CNTN1: variants seen among roughly 807,000 people sequenced by gnomAD.
CNTN1 encodes contactin-1.
A neutral mutation model predicts 126.4 loss-of-function variants in CNTN1; 38 were observed. The observed-to-expected ratio is 0.30, with a 90% confidence interval of 0.23 to 0.39. The LOEUF (loss-of-function observed/expected upper bound fraction) is 0.39, where lower values mean the gene tolerates loss of function less well. Ranked by LOEUF, CNTN1 falls within the 10% of genes least tolerant of loss-of-function variation. CNTN1 has a pLI of 1.00. For synonymous variants in CNTN1, 413 were observed against 422.6 expected (o/e 0.98, Z 0.28); for missense variants, 1,009 against 1,248.4 (o/e 0.81, Z 2.89).
At chr12:40,895,183 C>A (rs1944367491) in intron 1 of CNTN1, among the ~76,000 whole-genome samples, 1 of 152,022 alleles carries the variant, frequency 6.6e-6, no homozygotes, top group African/African-American at 2.4e-5. Flanking sequence ...TGCAAAGGTG[C>A]TTTCATATAT....
At chr12:40,757,357 A>G (rs1026559538) in intron 1 of CNTN1, among the ~76,000 whole-genome samples, 1 of 151,760 alleles carries the variant, frequency 6.6e-6, no homozygotes, top group Non-Finnish European at 1.5e-5. Flanking sequence ...TTCTTTCAGA[A>G]TCCAAATATA....
chr12:40,865,206 A>C (rs1467036154), intron 1 of CNTN1, among the ~76,000 whole-genome samples: 1 of 152,080 alleles, frequency 6.6e-6, no homozygotes, highest in African/African-American at 2.4e-5. Flanking sequence ...TGTCTTTTTA[A>C]GTATTGAGTT....
At chr12:40,972,188 G>A in intron 15 of CNTN1, 2 of 985,322 alleles carry the variant, frequency 2.0e-6, no homozygotes, top group African/African-American at 3.5e-5. Flanking sequence ...GCCATTAACA[G>A]CATGCATTCA....
intron 1 of CNTN1, among the ~76,000 whole-genome samples, chr12:40,723,593 C>T (rs928830324): frequency 3.9e-5 from 6 of 152,098 alleles, no homozygotes; most frequent in African/African-American, 1.4e-4. Context: ...ATGTGTTATT[C>T]ATGGACTTAG....
chr12:41,055,134 A>AAGGGAAT (rs1223579144), intron 23 of CNTN1, among the ~76,000 whole-genome samples: 2 of 152,112 alleles, frequency 1.3e-5, no homozygotes, highest in Admixed American at 1.3e-4. Flanking sequence ...TTGAAGTTTT[A>AAGGGAAT]AGGGAATTAT....
chr12:40,918,808 C>A, intron 4 of CNTN1, 37 bp downstream of exon 4: 1 of 1,610,562 alleles, frequency 6.2e-7, no homozygotes, highest in South Asian at 1.1e-5. Flanking sequence ...AGTGGAGTGT[C>A]AGAGTAATGA....
chr12:40,821,649 A>G (rs1941444362), intron 1 of CNTN1, among the ~76,000 whole-genome samples: 1 of 152,168 alleles, frequency 6.6e-6, no homozygotes, highest in South Asian at 2.1e-4. Context: ...ATGGAACCAG[A>G]AATCCTTTAA....
In CNTN1 at chr12:40,904,050, G is replaced by C. The variant is rs183887581; in HGVS notation, c.-76-4307G>C. ...TCTCTTCTTTTTGAGATGGAGTCTC[G>C]CTCTGTCGCCTAGGCTGGAGTGCAG... On this transcript the variant is annotated intron_variant, in intron 1 of 23. Coordinates refer to ENST00000551295, the MANE Select transcript of CNTN1 (RefSeq NM_001843.4). 4.9e-4 allele frequency among the ~76,000 whole-genome samples: 75 copies of C among 151,998 alleles called. 1 individual carries two copies. In the East Asian group the frequency reaches 0.011, roughly 23 times the overall value.
chr12:40,933,318 C>CT (rs1346019328), intron 7 of CNTN1, 143 bp from the exon 8 acceptor site: 2 of 670,916 alleles, frequency 3.0e-6, no homozygotes, highest in African/African-American at 3.6e-5. Flanking sequence ...ACAAACAAGT[C>CT]TATCCATTAT....
At chr12:40,884,322 T>G (rs1315407185) in intron 1 of CNTN1, among the ~76,000 whole-genome samples, 1 of 151,576 alleles carries the variant, frequency 6.6e-6, no homozygotes, top group Non-Finnish European at 1.5e-5. Flanking sequence ...CCCTGCATTT[T>G]CATATAATCC....
chr12:40,746,650 C>G (rs1938197047), intron 1 of CNTN1, among the ~76,000 whole-genome samples: 1 of 151,962 alleles, frequency 6.6e-6, no homozygotes, highest in Admixed American at 6.6e-5. Context: ...TTGATTTTTC[C>G]CTTGGGGTGG....
intron 1 of CNTN1, among the ~76,000 whole-genome samples, chr12:40,821,828 G>A (rs1941448873): frequency 6.6e-6 from 1 of 151,688 alleles, no homozygotes; most frequent in Non-Finnish European, 1.5e-5. Context: ...TTTTCTCCTG[G>A]TTACCATCTT....
intron 23 of CNTN1, among the ~76,000 whole-genome samples, chr12:41,046,846 T>C (rs939690072): frequency 2.8e-5 from 4 of 145,220 alleles, no homozygotes; most frequent in African/African-American, 1.1e-4. Flanking sequence ...ATTGCTTATT[T>C]CTTTTTTTTT....
At chr12:40,694,406 C>T (rs1941393986) in intron 1 of CNTN1, among the ~76,000 whole-genome samples, 1 of 152,188 alleles carries the variant, frequency 6.6e-6, no homozygotes, top group Non-Finnish European at 1.5e-5. Flanking sequence ...TCCATTTTCA[C>T]AGATGAAGAA....
intron 1 of CNTN1, among the ~76,000 whole-genome samples, chr12:40,798,849 G>A (rs1207005688): frequency 1.3e-5 from 2 of 151,816 alleles, no homozygotes; most frequent in Non-Finnish European, 2.9e-5. Flanking sequence ...CCATGACATA[G>A]GTTTACCTAT....
chr12:40,751,182 C>A (rs1342683835), intron 1 of CNTN1, among the ~76,000 whole-genome samples: 1 of 152,030 alleles, frequency 6.6e-6, no homozygotes, highest in Non-Finnish European at 1.5e-5. Context: ...GATTATCTAA[C>A]TGGGAATTAT....
intron 1 of CNTN1, among the ~76,000 whole-genome samples, chr12:40,802,141 T>C (rs955915786): frequency 6.6e-6 from 1 of 151,954 alleles, no homozygotes; most frequent in Non-Finnish European, 1.5e-5. Flanking sequence ...CAGAATGAAA[T>C]AACCAAGTAG....
chr12:41,045,621 C>A (rs1949524810), intron 23 of CNTN1, among the ~76,000 whole-genome samples: 1 of 152,122 alleles, frequency 6.6e-6, no homozygotes, highest in South Asian at 2.1e-4. Flanking sequence ...CATTAGGGAC[C>A]AGCTTTAGTG....
chr12:40,885,706 T>C (rs1392685119), intron 1 of CNTN1, among the ~76,000 whole-genome samples: 3 of 152,092 alleles, frequency 2.0e-5, no homozygotes, highest in Non-Finnish European at 4.4e-5. Context: ...CTTAATGTCC[T>C]TTTCAAACAT....
Sources: allele counts gnomAD v4.1 joint callset (sites outside exome capture counted in the v4.1 genomes callset), GRCh38; gene constraint gnomAD v4.1.1; transcripts MANE v1.5; gene names NCBI Gene and HGNC (gene_info 2026-07-23, HGNC 2026-07-21).